Variants in DIP2C observed in about 807,000 individuals in gnomAD.
DIP2C encodes DIP2 acetate--CoA ligase C (putative).
Under a neutral mutation model 192.4 loss-of-function variants are expected in DIP2C, and 33 were observed. That is an observed-to-expected ratio of 0.17 (90% confidence interval 0.13 to 0.23). The LOEUF is 0.23. Ranked by LOEUF, DIP2C falls within the 10% of genes least tolerant of loss-of-function variation. The pLI is 1.00. For synonymous variants in DIP2C, 979 were observed against 864.1 expected, an observed-to-expected ratio of 1.13 and a Z score of -2.33; for missense variants, 1,537 against 2,110.1, an observed-to-expected ratio of 0.73 and a Z score of 5.32.
intron 1 of DIP2C, among the ~76,000 whole-genome samples, chr10:658,086 C>A (rs1856505352): frequency 6.6e-6 from 1 of 151,990 alleles, no homozygotes; most frequent in African/African-American, 2.4e-5. Context: ...TGACACTGGA[C>A]CTGATGCTGG....
At chr10:682,629 C>G (rs948053660) in intron 1 of DIP2C, among the ~76,000 whole-genome samples, 2 of 151,870 alleles carry the variant, frequency 1.3e-5, no homozygotes, top group Non-Finnish European at 2.9e-5. Flanking sequence ...TAAAATTACA[C>G]AGAGACAAAG....
chr10:451,135 T>G (rs1340314413), intron 3 of DIP2C, among the ~76,000 whole-genome samples: 1 of 152,000 alleles, frequency 6.6e-6, no homozygotes, highest in African/African-American at 2.4e-5. Flanking sequence ...CCCAGCCCTG[T>G]TCCTTCTACA....
intron 1 of DIP2C, among the ~76,000 whole-genome samples, chr10:673,221 T>C (rs1050363826): frequency 4.6e-5 from 7 of 152,188 alleles, no homozygotes; most frequent in African/African-American, 1.7e-4. Flanking sequence ...AGCCAGCCTT[T>C]AGAGGCCACG....
At chr10:417,330 C>T (rs1241462382) in intron 6 of DIP2C, among the ~76,000 whole-genome samples, 1 of 152,118 alleles carries the variant, frequency 6.6e-6, no homozygotes, top group Non-Finnish European at 1.5e-5. Context: ...GCACAACACA[C>T]CACGCAGGAT....
At chr10:394,484 A>G (rs1963792597) in intron 10 of DIP2C, among the ~76,000 whole-genome samples, 1 of 151,664 alleles carries the variant, frequency 6.6e-6, no homozygotes, top group African/African-American at 2.4e-5. Flanking sequence ...GCTGAACCGG[A>G]AGGACATTAT....
chr10:319,781 G>A (rs1213850777), intron 31 of DIP2C, among the ~76,000 whole-genome samples: 3 of 152,156 alleles, frequency 2.0e-5, no homozygotes, highest in Non-Finnish European at 4.4e-5. Context: ...ACTCCTAAGA[G>A]TAACAAATAG....
chr10:588,466 T>TC (rs1261059985), intron 1 of DIP2C, among the ~76,000 whole-genome samples: 1 of 152,232 alleles, frequency 6.6e-6, no homozygotes, highest in African/African-American at 2.4e-5. Flanking sequence ...AGGTGAGCAC[T>TC]CATGCTGGAA....
At chr10:484,732 C>T in intron 2 of DIP2C, 1 of 1,585,910 alleles carries the variant, frequency 6.3e-7, no homozygotes, top group Admixed American at 1.8e-5. Flanking sequence ...TGGCCCTTTT[C>T]TAATGTGTAC....
intron 1 of DIP2C, among the ~76,000 whole-genome samples, chr10:521,565 C>T (rs532630273): frequency 1.4e-4 from 22 of 152,198 alleles, no homozygotes; most frequent in Non-Finnish European, 2.9e-4. Flanking sequence ...GGGGAGAAGC[C>T]GGTCCAGATA....
At chr10:311,632 CACA>C in intron 31 of DIP2C, 2 of 1,197,686 alleles carry the variant, frequency 1.7e-6, no homozygotes, top group Admixed American at 8.5e-5. Context: ...AACCAACACA[CACA>C]ACACACACAG....
At chr10:378,040 G>A (rs1035597043) in intron 17 of DIP2C, among the ~76,000 whole-genome samples, 6 of 152,230 alleles carry the variant, frequency 3.9e-5, no homozygotes, top group South Asian at 4.2e-4. Flanking sequence ...AGGAGATTTA[G>A]GGGATACTTG....
At chr10:655,101 C>T (rs1290372972) in intron 1 of DIP2C, among the ~76,000 whole-genome samples, 2 of 152,152 alleles carry the variant, frequency 1.3e-5, no homozygotes, top group African/African-American at 4.8e-5. Context: ...TCCCCATACA[C>T]ATGGGGGAAT....
intron 1 of DIP2C, chr10:663,063 C>T (rs1225240621): frequency 2.3e-5 from 14 of 620,042 alleles, no homozygotes; most frequent in Admixed American, 1.2e-4. Flanking sequence ...AGATGGTGAC[C>T]GTGACCCAGT....
chr10:467,937 G>C (rs1400544802), intron 3 of DIP2C, among the ~76,000 whole-genome samples: 1 of 152,116 alleles, frequency 6.6e-6, no homozygotes, highest in African/African-American at 2.4e-5. Context: ...ATGTACTCCA[G>C]AACTTAAAGT....
intron 1 of DIP2C, among the ~76,000 whole-genome samples, chr10:495,172 A>G (rs1844729467): frequency 6.6e-6 from 1 of 151,802 alleles, no homozygotes; most frequent in Non-Finnish European, 1.5e-5. Flanking sequence ...GCATCTTAAA[A>G]AAGTAGAATT....
At chr10:372,355 G>A (rs944124481) in intron 17 of DIP2C, among the ~76,000 whole-genome samples, 8 of 152,194 alleles carry the variant, frequency 5.3e-5, no homozygotes, top group Non-Finnish European at 1.0e-4. Context: ...AATTACAGGC[G>A]TGAGCTACTG....
chr10:614,309 G>A lies in DIP2C; in HGVS notation c.85+75185C>T, dbSNP rs538688355. 1.2e-4 allele frequency among the ~76,000 whole-genome samples: 19 copies of A among 152,328 alleles called. No individual in the cohort carries two copies. The East Asian group carries it at 2.9e-3, about 23-fold the overall frequency. ...ATGGGTGCATTTCCCCTGGAGACTCGGAGACGGGAGCCTGGCCAAGGAGGC... is the reference window on the plus strand; with the variant it reads ...ATGGGTGCATTTCCCCTGGAGACTCAGAGACGGGAGCCTGGCCAAGGAGGC... On this transcript the variant is annotated intron_variant, in intron 1 of 36. Coordinates refer to ENST00000280886, the MANE Select transcript of DIP2C (RefSeq NM_014974.3).
At chr10:386,866 A>C (rs568904068) in intron 14 of DIP2C, among the ~76,000 whole-genome samples, 2 of 152,352 alleles carry the variant, frequency 1.3e-5, no homozygotes, top group South Asian at 4.2e-4. Context: ...GCGTCTAAGC[A>C]GTCATGCTCC....
At chr10:325,019 A>T (rs764767987) in intron 31 of DIP2C, 2 of 517,404 alleles carry the variant, frequency 3.9e-6, no homozygotes, top group South Asian at 2.9e-5. Context: ...TAATCCCAGC[A>T]CTTTAGGAGG....
Sources: gnomAD v4.1 joint callset for allele counts (sites outside exome capture counted in the v4.1 genomes callset) on GRCh38, gnomAD v4.1.1 for gene constraint, MANE v1.5 for transcripts, NCBI Gene and HGNC (gene_info 2026-07-23, HGNC 2026-07-21) for gene names.